Variants in GDAP1 observed in about 807,000 individuals in gnomAD.
GDAP1 encodes ganglioside-induced differentiation-associated protein 1.
GDAP1 carries 34 observed loss-of-function variants against 40.1 expected under a neutral mutation model. The observed-to-expected ratio is 0.85, with a 90% CI of 0.64 to 1.13. GDAP1 has a LOEUF of 1.13. GDAP1 is among the 50% of genes most tolerant of loss of function. The pLI is 0.00. For missense variants in GDAP1, 374 were observed against 433.7 expected (o/e 0.86, Z 1.22); for synonymous variants, 170 against 157.4 (o/e 1.08, Z -0.60).
intron 2 of GDAP1, among the ~76,000 whole-genome samples, chr8:74,447,507 C>G (rs943357021): frequency 1.3e-5 from 2 of 152,118 alleles, no homozygotes; most frequent in Non-Finnish European, 2.9e-5. Context: ...AATATCATAC[C>G]TTACCTCGTG....
At chr8:74,480,133 C>A (rs1356651592) in intron 2 of GDAP1, among the ~76,000 whole-genome samples, 1 of 151,820 alleles carries the variant, frequency 6.6e-6, no homozygotes, top group African/African-American at 2.4e-5. Context: ...GGATTATAGG[C>A]GCATGCCACC....
chr8:74,379,652 A>G (rs78122955), intron 2 of GDAP1, among the ~76,000 whole-genome samples: 28,624 of 152,116 alleles, frequency 0.19, 2,967 homozygotes, highest in Admixed American at 0.31. Flanking sequence ...GTCTTGCTCC[A>G]GGGCTATGTT....
intron 2 of GDAP1, among the ~76,000 whole-genome samples, chr8:74,397,282 A>G (rs1218952983): frequency 1.3e-5 from 2 of 151,768 alleles, no homozygotes; most frequent in African/African-American, 2.4e-5. Context: ...GTAGGTTGCA[A>G]AAATTTTCTC....
intron 2 of GDAP1, among the ~76,000 whole-genome samples, chr8:74,402,837 T>C (rs1437366301): frequency 2.7e-5 from 4 of 150,372 alleles, no homozygotes; most frequent in African/African-American, 1.0e-4. Flanking sequence ...AGTTACTCCT[T>C]CATAAAATTA....
In GDAP1 at chr8:74,444,780, A is replaced by G. The variant is rs571461365; in HGVS notation, c.166-43898A>G. On this transcript the variant is annotated intron_variant, in intron 2 of 2. Transcript: ENST00000523640. ...TCTCCCTTAAGATTCAAAGTAGGCA[A>G]ATACTTAAATCAGACTACAAATTAG... is the stretch of plus-strand genomic sequence containing the variant. Among the ~76,000 whole-genome samples, 15 of 152,326 alleles carry G rather than the reference A, an allele frequency of 9.8e-5. No homozygotes were observed. In the East Asian group the frequency reaches 2.5e-3, roughly 25 times the overall value.
chr8:74,445,769 G>A, intron 2 of GDAP1, among the ~76,000 whole-genome samples: 1 of 152,050 alleles, frequency 6.6e-6, no homozygotes, highest in East Asian at 1.9e-4. Context: ...GATATCATTT[G>A]ATATAACTCC....
At chr8:74,469,759 T>G (rs1358270769) in intron 2 of GDAP1, among the ~76,000 whole-genome samples, 1 of 151,630 alleles carries the variant, frequency 6.6e-6, no homozygotes, top group Non-Finnish European at 1.5e-5. Flanking sequence ...GCGGATCACC[T>G]GAGGTCGGGA....
intron 2 of GDAP1, among the ~76,000 whole-genome samples, chr8:74,428,464 G>GTTTTT (rs143872000): frequency 1.3e-5 from 2 of 148,702 alleles, no homozygotes; most frequent in Admixed American, 6.7e-5. Context: ...TTTCTTGATT[G>GTTTTT]TTTTGTTTTT....
At chr8:74,373,188 C>T (rs1215753565) in intron 2 of GDAP1, among the ~76,000 whole-genome samples, 1 of 152,216 alleles carries the variant, frequency 6.6e-6, no homozygotes, top group East Asian at 1.9e-4. Context: ...AGTCAGGTAG[C>T]ATGATGCCTC....
chr8:74,466,968 C>T (rs531757826), intron 2 of GDAP1, among the ~76,000 whole-genome samples: 43 of 152,230 alleles, frequency 2.8e-4, no homozygotes, highest in African/African-American at 8.9e-4. Flanking sequence ...TAAGGAATCA[C>T]GGACTCTAAT....
chr8:74,399,370 G>A (rs1482538935), intron 2 of GDAP1, among the ~76,000 whole-genome samples: 1 of 149,856 alleles, frequency 6.7e-6, no homozygotes, highest in Non-Finnish European at 1.5e-5. Flanking sequence ...ATTGTAGTTT[G>A]TATTTCTGTG....
downstream of GDAP1, among the ~76,000 whole-genome samples, chr8:74,371,767 A>AT (rs753561170): frequency 8.1e-4 from 97 of 120,172 alleles, no homozygotes; most frequent in Non-Finnish European, 1.5e-3. Flanking sequence ...TTTGTTAAAA[A>AT]TTTTTTATTT....
chr8:74,402,978 GA>G (rs1805580463), intron 2 of GDAP1, among the ~76,000 whole-genome samples: 1 of 149,956 alleles, frequency 6.7e-6, no homozygotes, highest in African/African-American at 2.5e-5. Context: ...AAGTTAATGA[GA>G]AAAAAGTTAA....
intron 2 of GDAP1, among the ~76,000 whole-genome samples, chr8:74,484,711 G>T (rs1438953134): frequency 6.6e-6 from 1 of 152,036 alleles, no homozygotes; most frequent in Non-Finnish European, 1.5e-5. Flanking sequence ...ACACACAGAG[G>T]AACATCAGTA....
intron 2 of GDAP1, among the ~76,000 whole-genome samples, chr8:74,471,734 C>T (rs1806559688): frequency 6.6e-6 from 1 of 152,134 alleles, no homozygotes; most frequent in African/African-American, 2.4e-5. Flanking sequence ...GGTCAGTTTA[C>T]ACTTTCTAGA....
chr8:74,461,026 C>T (rs1055434510), intron 2 of GDAP1, among the ~76,000 whole-genome samples: 2 of 152,192 alleles, frequency 1.3e-5, no homozygotes, highest in Admixed American at 1.3e-4. Flanking sequence ...CCCTACAGAA[C>T]ATCTTCTGCC....
chr8:74,401,020 A>G (rs1259649506), intron 2 of GDAP1, among the ~76,000 whole-genome samples: 78 of 139,934 alleles, frequency 5.6e-4, no homozygotes, highest in African/African-American at 1.1e-3. Flanking sequence ...TGAATCTGAC[A>G]ATTATGTGTC....
intron 2 of GDAP1, among the ~76,000 whole-genome samples, chr8:74,444,760 C>G (rs1422386358): frequency 6.6e-6 from 1 of 152,110 alleles, no homozygotes; most frequent in East Asian, 1.9e-4. Flanking sequence ...GGATTTCTCC[C>G]TTAAGATTCA....
intron 2 of GDAP1, among the ~76,000 whole-genome samples, chr8:74,395,506 T>C (rs1810181129): frequency 6.6e-6 from 1 of 152,212 alleles, no homozygotes; most frequent in Non-Finnish European, 1.5e-5. Context: ...CTTCATTGTG[T>C]AGCTGTCCTA....
Sources: gnomAD v4.1 joint callset for allele counts (sites outside exome capture counted in the v4.1 genomes callset) on GRCh38, gnomAD v4.1.1 for gene constraint, MANE v1.5 for transcripts, NCBI Gene and HGNC (gene_info 2026-07-23, HGNC 2026-07-21) for gene names.